CFAP20DC: variants seen among roughly 807,000 people sequenced by gnomAD.
CFAP20DC encodes protein CFAP20DC.
Under a neutral mutation model 101.7 loss-of-function variants are expected in CFAP20DC, and 84 were observed. The observed-to-expected ratio is 0.83, with a 90% CI of 0.69 to 0.99. The LOEUF (loss-of-function observed/expected upper bound fraction) is 0.99, where lower values mean the gene tolerates loss of function less well. CFAP20DC is among the 50% of genes least tolerant of loss of function. The pLI, the probability that CFAP20DC is intolerant of heterozygous loss-of-function variation, is 0.00. For missense variants in CFAP20DC, 1,007 were observed against 970.3 expected (o/e 1.04, Z -0.50); for synonymous variants, 359 against 351.2 (o/e 1.02, Z -0.25).
intron 4 of CFAP20DC, among the ~76,000 whole-genome samples, chr3:59,019,919 G>C (rs1407477240): frequency 2.6e-5 from 4 of 151,970 alleles, no homozygotes. Flanking sequence ...GCATATAGTA[G>C]AGTTTTTTAA....
chr3:58,913,976 C>T lies in CFAP20DC; in HGVS notation c.394-112G>A. ...TGAGGCAGTTATCCTGATCAACAAG[C>T]CCCAAACTAATTTTCCTCTTTAGGT... On this transcript the variant is annotated intron_variant, in intron 5 of 16. Coordinates refer to ENST00000482387, the MANE Select transcript of CFAP20DC (RefSeq NM_001394063.1). This position sits in a 1 kb window ranked among gnomAD's most constrained non-coding sequence, Gnocchi z 4.4. 8.9e-7 allele frequency: 1 copy of T among 1,126,824 alleles called. No individual in the cohort carries two copies. Among genetic ancestry groups the T allele is most frequent in the Non-Finnish European group, 1.3e-6 (1 of 791,448 alleles). 69.8% of individuals were successfully genotyped at this position (1,126,824 alleles called of 1,614,324 possible).
At chr3:58,746,616 C>A (rs974544357) in intron 16 of CFAP20DC, among the ~76,000 whole-genome samples, 2 of 151,998 alleles carry the variant, frequency 1.3e-5, no homozygotes, top group African/African-American at 4.8e-5. Flanking sequence ...GCAATAACTG[C>A]GATATAAATG....
chr3:58,854,825 A>T, intron 12 of CFAP20DC, among the ~76,000 whole-genome samples: 2 of 147,204 alleles, frequency 1.4e-5, no homozygotes, highest in Middle Eastern at 6.9e-3. Flanking sequence ...CACCTTATAC[A>T]AAAATCAATT....
chr3:58,990,864 T>C (rs1336209196), intron 4 of CFAP20DC, among the ~76,000 whole-genome samples: 2 of 151,990 alleles, frequency 1.3e-5, no homozygotes, highest in Non-Finnish European at 2.9e-5. Flanking sequence ...CAAATAGGAA[T>C]ATTCAACCTG....
intron 14 of CFAP20DC, among the ~76,000 whole-genome samples, chr3:58,827,768 C>T (rs1014456957): frequency 6.6e-6 from 1 of 152,208 alleles, no homozygotes; most frequent in Non-Finnish European, 1.5e-5. Context: ...TGGGCTTCCC[C>T]ACCAAAACTG....
intron 4 of CFAP20DC, among the ~76,000 whole-genome samples, chr3:58,943,251 C>G (rs1391876213): frequency 6.6e-6 from 1 of 152,170 alleles, no homozygotes; most frequent in Non-Finnish European, 1.5e-5. Context: ...TCAAGTGGGT[C>G]CCTGACCCCT....
At chr3:58,743,446 G>GAGT (rs1559533253) in intron 16 of CFAP20DC, among the ~76,000 whole-genome samples, 1 of 152,154 alleles carries the variant, frequency 6.6e-6, no homozygotes. Flanking sequence ...GAAGATCAGA[G>GAGT]AGTAGGCTCA....
At chr3:59,043,910 T>A (rs187059562) in intron 3 of CFAP20DC, among the ~76,000 whole-genome samples, 1 of 152,248 alleles carries the variant, frequency 6.6e-6, no homozygotes, top group Non-Finnish European at 1.5e-5. Flanking sequence ...AACAAACTTA[T>A]TGAACACCAA....
chr3:59,023,246 A>G (rs1357970159), intron 4 of CFAP20DC, among the ~76,000 whole-genome samples: 8 of 152,064 alleles, frequency 5.3e-5, no homozygotes, highest in Admixed American at 5.2e-4. Context: ...ATACAAAATA[A>G]CAAGCACTAC....
At chr3:59,009,446 C>T (rs763035732) in intron 4 of CFAP20DC, among the ~76,000 whole-genome samples, 68 of 151,864 alleles carry the variant, frequency 4.5e-4, no homozygotes, top group Non-Finnish European at 7.5e-4. Context: ...GAATGAAAAA[C>T]TTTCCAGAGG....
At position 58,887,105 on chromosome 3, in the gene CFAP20DC, T is replaced by G. The variant is rs968939717; in HGVS notation, c.551-2396A>C. Among the ~76,000 whole-genome samples the G allele has an allele frequency of 2.6e-5, 4 of 152,344 alleles. No individual in the cohort carries two copies. In the South Asian group the frequency reaches 8.3e-4, roughly 32 times the overall value. ...ATCTAACTAAAAACTTAAATACTCA[T>G]CAGCAATGCAATGATTTCTAAATGT... On this transcript the variant is annotated intron_variant, in intron 6 of 16. Coordinates refer to ENST00000482387, the MANE Select transcript of CFAP20DC (RefSeq NM_001394063.1).
chr3:58,854,724 A>G (rs1482557564), intron 12 of CFAP20DC, among the ~76,000 whole-genome samples: 1 of 151,730 alleles, frequency 6.6e-6, no homozygotes, highest in African/African-American at 2.4e-5. Context: ...TGAGAAAAAC[A>G]AGCAATGGGG....
In CFAP20DC at chr3:58,894,818, T is replaced by C. The variant is rs979569870; in HGVS notation, c.551-10109A>G. Among the ~76,000 whole-genome samples the C allele has an allele frequency of 9.9e-5, 15 of 152,240 alleles. No homozygotes were observed. The highest frequency in any genetic ancestry group is 3.6e-4 in the African/African-American group (15 of 41,466). ...CCTGCAACAAACTTGTGCCTGGGCA[T>C]CCAGGCGTTTCCATATGTCCTCTGA... is the stretch of plus-strand genomic sequence containing the variant. On this transcript the variant is annotated intron_variant, in intron 6 of 16. Coordinates refer to ENST00000482387, the MANE Select transcript of CFAP20DC (RefSeq NM_001394063.1). The surrounding 1 kb of genome is among the most constrained non-coding windows in gnomAD (Gnocchi z 4.1).
In CFAP20DC at chr3:58,894,963, A is replaced by G. The variant is rs564741646; in HGVS notation, c.551-10254T>C. Among the ~76,000 whole-genome samples the G allele has an allele frequency of 1.1e-3, 171 of 152,318 alleles. No homozygotes were observed. The highest frequency in any genetic ancestry group is 2.0e-3 in the Non-Finnish European group (135 of 68,024). On this transcript the variant is annotated intron_variant, in intron 6 of 16. Coordinates refer to ENST00000482387, the MANE Select transcript of CFAP20DC (RefSeq NM_001394063.1). The surrounding 1 kb of genome is among the most constrained non-coding windows in gnomAD (Gnocchi z 4.1). ...CCTCTGAAGCCATGGCCTAAGCTCT[A>G]TGTTGGCCCCTTGTAGCCATGGCTG...
chr3:58,999,926 T>C (rs897174507), intron 4 of CFAP20DC, among the ~76,000 whole-genome samples: 1 of 150,438 alleles, frequency 6.6e-6, no homozygotes, highest in African/African-American at 2.4e-5. Flanking sequence ...TTGCTTATGC[T>C]TGTATGCCTC....
Position 58,788,516 on chromosome 3 carries a change from C to T in CFAP20DC, c.2237+17879G>A, listed in dbSNP as rs2072578239. On this transcript the variant is annotated intron_variant, in intron 15 of 16. Coordinates refer to ENST00000482387, the MANE Select transcript of CFAP20DC (RefSeq NM_001394063.1). The surrounding 1 kb of genome is among the most constrained non-coding windows in gnomAD (Gnocchi z 4.2). ...ACGACTTTCCTAAATCTCAGCAAGACGTGGCTGGTCACAAAATGGGATGCT... is the reference window on the plus strand; with the variant it reads ...ACGACTTTCCTAAATCTCAGCAAGATGTGGCTGGTCACAAAATGGGATGCT... Among the ~76,000 whole-genome samples, 1 of 152,110 alleles carries T rather than the reference C, an allele frequency of 6.6e-6. No homozygotes were observed. The highest frequency in any genetic ancestry group is 2.4e-5 in the African/African-American group (1 of 41,418).
intron 5 of CFAP20DC, among the ~76,000 whole-genome samples, chr3:58,925,606 T>C (rs1262756379): frequency 6.6e-6 from 1 of 152,204 alleles, no homozygotes; most frequent in Non-Finnish European, 1.5e-5. Context: ...CAATAGAAAA[T>C]AGTAAAGTAA....
At chr3:58,830,382 T>C (rs1402974057) in intron 14 of CFAP20DC, among the ~76,000 whole-genome samples, 2 of 152,090 alleles carry the variant, frequency 1.3e-5, no homozygotes, top group African/African-American at 4.8e-5. Flanking sequence ...CAGACCAAGT[T>C]AGATCTGATT....
At chr3:58,778,734 C>T (rs1239748274) in intron 15 of CFAP20DC, among the ~76,000 whole-genome samples, 3 of 152,246 alleles carry the variant, frequency 2.0e-5, no homozygotes, top group Non-Finnish European at 4.4e-5. Context: ...GGTCAGCCCA[C>T]TGCTGCCACT....
Sources: allele counts gnomAD v4.1 joint callset (sites outside exome capture counted in the v4.1 genomes callset), GRCh38; gene constraint gnomAD v4.1.1; non-coding constraint Gnocchi (gnomAD v3.1); transcripts MANE v1.5; gene names NCBI Gene and HGNC (gene_info 2026-07-23, HGNC 2026-07-21).